Variants in FOXP2 observed in about 807,000 individuals in gnomAD.
The protein encoded by FOXP2 is forkhead box P2, also known as forkhead box protein P2.
In FOXP2, 12 loss-of-function variants were observed where a neutral mutation model predicts 115.8. The ratio of observed to expected loss-of-function variants is 0.10; its 90% CI spans 0.07 to 0.17. FOXP2 has a LOEUF of 0.17. Ranked by LOEUF, FOXP2 falls within the 10% of genes least tolerant of loss-of-function variation. FOXP2 has a pLI of 1.00. For missense variants in FOXP2, 629 were observed against 843.5 expected (o/e 0.75, Z 3.15); for synonymous variants, 328 against 297.7 (o/e 1.10, Z -1.05).
At chr7:114,368,941 C>T (rs183825056) in intron 2 of FOXP2, among the ~76,000 whole-genome samples, 23 of 152,300 alleles carry the variant, frequency 1.5e-4, no homozygotes, top group African/African-American at 5.3e-4. Context: ...GTCATTTTCA[C>T]ACGGCTTAGC....
chr7:114,576,236 T>C (rs1034495099), intron 3 of FOXP2, among the ~76,000 whole-genome samples: 21 of 151,964 alleles, frequency 1.4e-4, no homozygotes, highest in Non-Finnish European at 4.4e-5. Flanking sequence ...TTGGCTGACA[T>C]TTGTATGCAA....
intron 3 of FOXP2, among the ~76,000 whole-genome samples, chr7:114,616,525 T>C (rs913050359): frequency 2.0e-5 from 3 of 152,060 alleles, no homozygotes; most frequent in Non-Finnish European, 4.4e-5. Context: ...GGGACGGAGG[T>C]TGGTTTTACT....
At chr7:114,495,713 G>T (rs1327342093) in intron 2 of FOXP2, among the ~76,000 whole-genome samples, 1 of 151,524 alleles carries the variant, frequency 6.6e-6, no homozygotes, top group Non-Finnish European at 1.5e-5. Context: ...CGCCATGTTG[G>T]CCAGGCTGAT....
At chr7:114,283,777 A>G (rs1796393228) in intron 1 of FOXP2, among the ~76,000 whole-genome samples, 1 of 152,096 alleles carries the variant, frequency 6.6e-6, no homozygotes, top group Non-Finnish European at 1.5e-5. Context: ...AGCTTGGGCA[A>G]CATAGGGAGA....
In FOXP2 at chr7:114,094,417, T is replaced by C. The variant is rs2129139644; in HGVS notation, c.-247+6579T>C. ...AAAATTGCACTAACTTGCTCAGAAATTTTATTCTAAACGTCTTGAGAATAT... is the reference window on the plus strand; with the variant it reads ...AAAATTGCACTAACTTGCTCAGAAACTTTATTCTAAACGTCTTGAGAATAT... On this transcript the variant is annotated intron_variant, in intron 1 of 19. Transcript: ENST00000635638. Among the ~76,000 whole-genome samples, 4 of 152,338 alleles carry C rather than the reference T, an allele frequency of 2.6e-5. No individual in the cohort carries two copies. In the South Asian group the frequency reaches 8.3e-4, roughly 32 times the overall value.
At chr7:114,605,683 G>T (rs1434482711) in intron 3 of FOXP2, among the ~76,000 whole-genome samples, 1 of 152,104 alleles carries the variant, frequency 6.6e-6, no homozygotes, top group Non-Finnish European at 1.5e-5. Flanking sequence ...AATAGAAAGA[G>T]ATTAAAAAAC....
At chr7:114,642,374 C>T (rs1240743036) in intron 6 of FOXP2, 36 bp from the exon 7 acceptor site, 7 of 1,553,264 alleles carry the variant, frequency 4.5e-6, no homozygotes, top group Non-Finnish European at 5.3e-6. Context: ...TTACCTTTAC[C>T]TTGTTATGCT....
At chr7:114,172,180 A>G (rs1036492202) in intron 1 of FOXP2, among the ~76,000 whole-genome samples, 1 of 152,214 alleles carries the variant, frequency 6.6e-6, no homozygotes, top group African/African-American at 2.4e-5. Context: ...TAATGTACCT[A>G]TAACTTTTAT....
chr7:114,627,188 T>C (rs2129326229), intron 3 of FOXP2, among the ~76,000 whole-genome samples: 1 of 151,920 alleles, frequency 6.6e-6, no homozygotes, highest in East Asian at 1.9e-4. Flanking sequence ...TCATTATTAA[T>C]TTCTCCTTTC....
intron 2 of FOXP2, among the ~76,000 whole-genome samples, chr7:114,453,228 G>T (rs1354872334): frequency 1.3e-5 from 2 of 152,072 alleles, no homozygotes; most frequent in African/African-American, 4.8e-5. Flanking sequence ...TAAATTAAGA[G>T]ATTTCCTATT....
At chr7:114,488,419 A>T (rs566596162) in intron 2 of FOXP2, among the ~76,000 whole-genome samples, 6 of 152,292 alleles carry the variant, frequency 3.9e-5, no homozygotes, top group African/African-American at 1.2e-4. Flanking sequence ...TTGTTGGTCC[A>T]CTATGACTGG....
At chr7:114,564,173 A>C (rs1445348385) in intron 3 of FOXP2, among the ~76,000 whole-genome samples, 1 of 152,184 alleles carries the variant, frequency 6.6e-6, no homozygotes, top group East Asian at 1.9e-4. Context: ...GGCCCCATTT[A>C]TAGCATACTC....
chr7:114,432,168 T>C (rs1184373668), intron 2 of FOXP2, among the ~76,000 whole-genome samples: 3 of 152,000 alleles, frequency 2.0e-5, no homozygotes, highest in Non-Finnish European at 4.4e-5. Flanking sequence ...TTTTAATTAA[T>C]GTCAGTTAGG....
At chr7:114,304,942 T>A (rs1485559590) in intron 2 of FOXP2, among the ~76,000 whole-genome samples, 1 of 152,068 alleles carries the variant, frequency 6.6e-6, no homozygotes, top group Admixed American at 6.6e-5. Context: ...ACTATACAAA[T>A]AGTAAGCTAG....
intron 16 of FOXP2, chr7:114,667,717 A>C (rs1807246552): frequency 6.6e-6 from 1 of 152,198 alleles, no homozygotes; most frequent in Admixed American, 6.6e-5. Flanking sequence ...TGTTTGTTTC[A>C]GTCAGTATAC....
chr7:114,628,045 AGAT>A (rs1307922088), intron 3 of FOXP2, among the ~76,000 whole-genome samples: 13 of 152,080 alleles, frequency 8.5e-5, no homozygotes, highest in African/African-American at 1.9e-4. Flanking sequence ...AAAATTTTGA[AGAT>A]GATGATTATA....
intron 1 of FOXP2, among the ~76,000 whole-genome samples, chr7:114,140,885 A>G (rs4730625): frequency 0.97 from 148,318 of 152,306 alleles, 72,351 homozygotes; most frequent in East Asian, 1. Context: ...TCTGTGATAC[A>G]CAAGGATGTT....
chr7:114,568,837 G>A (rs936280706), intron 3 of FOXP2, among the ~76,000 whole-genome samples: 2 of 151,604 alleles, frequency 1.3e-5, no homozygotes, highest in African/African-American at 4.8e-5. Flanking sequence ...AATATTTCCT[G>A]TTTATGTACT....
intron 3 of FOXP2, among the ~76,000 whole-genome samples, chr7:114,618,686 G>C (rs1314919122): frequency 6.6e-6 from 1 of 152,064 alleles, no homozygotes; most frequent in Non-Finnish European, 1.5e-5. Context: ...GTATCACTTT[G>C]TTCTATTTAC....
Sources: gnomAD v4.1 joint callset for allele counts (sites outside exome capture counted in the v4.1 genomes callset) on GRCh38, gnomAD v4.1.1 for gene constraint, MANE v1.5 for transcripts, NCBI Gene and HGNC (gene_info 2026-07-23, HGNC 2026-07-21) for gene names.